Variants in MAMDC2 observed in about 807,000 individuals in gnomAD.
MAMDC2 encodes MAM domain-containing protein 2.
In MAMDC2, 57 loss-of-function variants were observed where a neutral mutation model predicts 89.8. The ratio of observed to expected loss-of-function variants is 0.63; its 90% confidence interval spans 0.51 to 0.79. The LOEUF (loss-of-function observed/expected upper bound fraction) is 0.79. MAMDC2 is among the 30% of genes least tolerant of loss of function. The pLI, the probability that MAMDC2 is intolerant of heterozygous loss-of-function variation, is 0.00. For missense variants in MAMDC2, 800 were observed against 820.6 expected (o/e 0.97, Z 0.31); for synonymous variants, 313 against 293.4 (o/e 1.07, Z -0.68).
intron 2 of MAMDC2, among the ~76,000 whole-genome samples, chr9:70,064,452 T>G (rs527556496): frequency 6.6e-6 from 1 of 152,328 alleles, no homozygotes; most frequent in Non-Finnish European, 1.5e-5. Flanking sequence ...ATTAAAATTT[T>G]AAAACTCCCT....
chr9:70,045,552 A>G (rs946280469), intron 2 of MAMDC2, among the ~76,000 whole-genome samples: 2 of 152,098 alleles, frequency 1.3e-5, no homozygotes, highest in Admixed American at 1.3e-4. Flanking sequence ...ACCCTAGATG[A>G]AACCAGCTCA....
chr9:70,044,354 C>G (rs1302321886), intron 1 of MAMDC2, 123 bp downstream of exon 1: 21 of 1,140,676 alleles, frequency 1.8e-5, no homozygotes, highest in Non-Finnish European at 2.5e-5. Context: ...CCTGATCCTC[C>G]GCAGCCGCTA....
At chr9:70,108,827 A>G (rs1215709585) in intron 3 of MAMDC2, among the ~76,000 whole-genome samples, 1 of 152,150 alleles carries the variant, frequency 6.6e-6, no homozygotes, top group Non-Finnish European at 1.5e-5. Context: ...TGTGTGTGCT[A>G]TGTGTTTGTT....
At chr9:70,096,032 T>C (rs540398615) in intron 2 of MAMDC2, among the ~76,000 whole-genome samples, 76 of 152,232 alleles carry the variant, frequency 5.0e-4, no homozygotes, top group African/African-American at 1.3e-3. Flanking sequence ...GTTTTTTTTT[T>C]CTTTTTTTTG....
intron 5 of MAMDC2, among the ~76,000 whole-genome samples, chr9:70,116,670 C>T (rs188730739): frequency 1.4e-5 from 2 of 143,186 alleles, no homozygotes; most frequent in East Asian, 4.2e-4. Context: ...CTCCTGGATA[C>T]TTATAAGCAC....
Position 70,131,091 on chromosome 9 carries a change from C to T in MAMDC2, c.901-428C>T, listed in dbSNP as rs77540114. ...TAGATCAAAGTATTGGCAGATCTGG[C>T]GTCTGCTGAGGGCCTGTTTCCTGGT... On this transcript the variant is annotated intron_variant, in intron 6 of 13. Coordinates refer to ENST00000377182, the MANE Select transcript of MAMDC2 (RefSeq NM_153267.5). 6.8e-3 allele frequency among the ~76,000 whole-genome samples: 1,033 copies of T among 152,280 alleles called. 38 individuals carry two copies. The highest frequency in any genetic ancestry group is 0.053 in the Admixed American group (811 of 15,292).
intron 9 of MAMDC2, among the ~76,000 whole-genome samples, chr9:70,146,727 G>A (rs930537931): frequency 4.6e-5 from 7 of 152,096 alleles, no homozygotes; most frequent in African/African-American, 1.7e-4. Flanking sequence ...GAGGTCAGGA[G>A]TTCGAGACCA....
At chr9:70,152,385 T>A (rs2031612422) in intron 9 of MAMDC2, among the ~76,000 whole-genome samples, 1 of 151,988 alleles carries the variant, frequency 6.6e-6, no homozygotes, top group Admixed American at 6.5e-5. Flanking sequence ...TGTTGAACAC[T>A]CTCCAGCACT....
intron 11 of MAMDC2, among the ~76,000 whole-genome samples, chr9:70,197,787 C>T (rs1450638000): frequency 6.6e-6 from 1 of 152,142 alleles, no homozygotes; most frequent in Non-Finnish European, 1.5e-5. Flanking sequence ...ATCATCTTCT[C>T]CTGACATCCA....
intron 2 of MAMDC2, among the ~76,000 whole-genome samples, chr9:70,050,829 G>C (rs1404717376): frequency 6.6e-6 from 1 of 152,166 alleles, no homozygotes; most frequent in African/African-American, 2.4e-5. Flanking sequence ...TCTAGTTTAA[G>C]CACTGGTAAG....
At chr9:70,188,288 T>A (rs1302176037) in intron 11 of MAMDC2, among the ~76,000 whole-genome samples, 2 of 152,182 alleles carry the variant, frequency 1.3e-5, no homozygotes, top group Non-Finnish European at 2.9e-5. Context: ...TTGATCAGAG[T>A]GTTAACAATT....
chr9:70,123,010 G>A (rs1372773036), intron 5 of MAMDC2, among the ~76,000 whole-genome samples: 1 of 152,152 alleles, frequency 6.6e-6, no homozygotes, highest in Non-Finnish European at 1.5e-5. Context: ...CAAAGGTGAG[G>A]TGGCTGGAGA....
chr9:70,194,202 A>C (rs988665169), intron 11 of MAMDC2: 1 of 152,130 alleles, frequency 6.6e-6, no homozygotes, highest in Admixed American at 6.6e-5. Flanking sequence ...GGGAATAATT[A>C]CATGACTTCG....
chr9:70,081,744 G>T (rs1193067486), intron 2 of MAMDC2: 3 of 152,144 alleles, frequency 2.0e-5, no homozygotes, highest in Non-Finnish European at 2.9e-5. Flanking sequence ...CTCCCAAAGA[G>T]TGTAGAAGCT....
chr9:70,062,034 C>T (rs1563936602), intron 2 of MAMDC2, among the ~76,000 whole-genome samples: 1 of 152,176 alleles, frequency 6.6e-6, no homozygotes, highest in Non-Finnish European at 1.5e-5. Flanking sequence ...GGCCAGAGTC[C>T]AGCTTCCCTA....
intron 2 of MAMDC2, among the ~76,000 whole-genome samples, chr9:70,090,380 A>C (rs1457824355): frequency 6.6e-6 from 1 of 151,434 alleles, no homozygotes; most frequent in Non-Finnish European, 1.5e-5. Context: ...GCTACTTGGA[A>C]GGCTAAGGTG....
At chr9:70,141,963 G>A (rs954057517) in intron 8 of MAMDC2, among the ~76,000 whole-genome samples, 1 of 152,156 alleles carries the variant, frequency 6.6e-6, no homozygotes, top group Admixed American at 6.5e-5. Flanking sequence ...TTTATGACCT[G>A]CTTTTAAGTA....
chr9:70,171,117 T>G (rs73448646), intron 11 of MAMDC2: 1,702 of 154,980 alleles, frequency 0.011, 23 homozygotes, highest in African/African-American at 0.038. Context: ...CTGTAGAAAA[T>G]GTATAAACTG....
chr9:70,091,141 G>A (rs1827891590), intron 2 of MAMDC2, among the ~76,000 whole-genome samples: 1 of 152,152 alleles, frequency 6.6e-6, no homozygotes, highest in Admixed American at 6.5e-5. Flanking sequence ...AGGAAGGCTT[G>A]GCTTCAGTTT....
Sources: gnomAD v4.1 joint callset for allele counts (sites outside exome capture counted in the v4.1 genomes callset) on GRCh38, gnomAD v4.1.1 for gene constraint, MANE v1.5 for transcripts, NCBI Gene and HGNC (gene_info 2026-07-23, HGNC 2026-07-21) for gene names.